The following REEP6 variants were observed in gnomAD, a reference collection of about 807,000 sequenced individuals.
REEP6 encodes the protein receptor expression-enhancing protein 6.
In REEP6, 19 loss-of-function variants were observed where a neutral mutation model predicts 22.4. The observed-to-expected ratio is 0.85, with a 90% CI of 0.59 to 1.25. The LOEUF is 1.25. Among genes scored for constraint, REEP6 ranks in the 50% most tolerant of loss-of-function variants. REEP6 has a pLI of 0.00. For synonymous variants in REEP6, 121 were observed against 113.6 expected (o/e 1.06, Z -0.41); for missense variants, 273 against 251.9 (o/e 1.08, Z -0.57).
Position 1,491,620 on chromosome 19 carries a change from G to T in REEP6, c.115+236G>T, listed in dbSNP as rs574718155. 2.0e-5 allele frequency among the ~76,000 whole-genome samples: 3 copies of T among 152,320 alleles called. No individual in the cohort carries two copies. Among genetic ancestry groups the T allele is most frequent in the African/African-American group, 7.2e-5 (3 of 41,572 alleles). ...TGGCCGCCCCCCGACGCCTCCTTCC[G>T]GGCGCTGGGTGCCTGCCATGCCGAA... On this transcript the variant is annotated intron_variant, in intron 1 of 4. Coordinates refer to ENST00000233596, the MANE Select transcript of REEP6 (RefSeq NM_138393.4). This position sits in a 1 kb window ranked among gnomAD's most constrained non-coding sequence, Gnocchi z 5.4.
At position 1,497,543 on chromosome 19, in the gene REEP6, C is replaced by T. The variant is rs529329651; in HGVS notation, c.*332C>T. ...ACACCCAGCCGCCTGGTACTTCCTC[C>T]AGCCCCTCCCAGTCAGCCCTCCCGT... is the stretch of plus-strand genomic sequence containing the variant. On this transcript the variant is annotated 3_prime_UTR_variant, in exon 5 of 5. Coordinates refer to ENST00000233596, the MANE Select transcript of REEP6 (RefSeq NM_138393.4). The surrounding 1 kb of genome is among the most constrained non-coding windows in gnomAD (Gnocchi z 6.5). 3,222 of 621,462 alleles carry T rather than the reference C, an allele frequency of 5.2e-3. 16 individuals are homozygous for T. Among genetic ancestry groups the T allele is most frequent in the Non-Finnish European group, 7.2e-3 (2,316 of 322,784 alleles). The allele number at this position is 621,462 out of a possible 1,614,324, so 38.5% of individuals were successfully genotyped here.
At position 1,494,682 on chromosome 19, in the gene REEP6, A is replaced by G. The variant is rs558922434; in HGVS notation, c.116-612A>G. Among the ~76,000 whole-genome samples, 9 of 151,820 alleles carry G rather than the reference A, an allele frequency of 5.9e-5. No individual in the cohort carries two copies. The South Asian group carries it at 1.0e-3, about 17-fold the overall frequency. On this transcript the variant is annotated intron_variant, in intron 1 of 4. Transcript: ENST00000233596. Reference sequence around the variant, plus strand: ...CCAAAGGGCCTGGAATGAGATGGCTATCGTTGCAGATTACACTTTTTTTTT... The same window carrying G: ...CCAAAGGGCCTGGAATGAGATGGCTGTCGTTGCAGATTACACTTTTTTTTT...
In REEP6 at chr19:1,497,706, A is replaced by G. The variant is rs1249969309; in HGVS notation, c.*495A>G. On this transcript the variant is annotated 3_prime_UTR_variant, in exon 5 of 5. Coordinates refer to ENST00000233596, the MANE Select transcript of REEP6 (RefSeq NM_138393.4). This position sits in a 1 kb window ranked among gnomAD's most constrained non-coding sequence, Gnocchi z 6.5. ...GCCGGAGGACGCAGCCCCCAAGACC[A>G]GCGGACAGCGCCAGAAGGAATCGTC... The G allele has an allele frequency of 2.1e-6, 1 of 472,762 alleles. No homozygotes were observed. Among genetic ancestry groups the G allele is most frequent in the African/African-American group, 2.0e-5 (1 of 50,222 alleles). 29.3% of individuals were successfully genotyped at this position (472,762 alleles called of 1,614,324 possible).
rs776721939 is a variant in REEP6 at position 1,491,188 on chromosome 19, G to C, written c.-82G>C. 1.2e-5 allele frequency: 12 copies of C among 1,013,248 alleles called. No homozygotes were observed. Among genetic ancestry groups the C allele is most frequent in the African/African-American group, 1.7e-5 (1 of 58,496 alleles). 62.8% of individuals were successfully genotyped at this position (1,013,248 alleles called of 1,614,324 possible). The stretch of plus-strand genomic sequence containing the variant: ...GCCGGAGCATCGCGGCTCAGGCTGC[G>C]GGAAAGCGGTGCGCGTGCAGCGGGG... On this transcript the variant is annotated 5_prime_UTR_variant, in exon 1 of 5. Transcript: ENST00000233596. This position sits in a 1 kb window ranked among gnomAD's most constrained non-coding sequence, Gnocchi z 5.4.
Position 1,497,330 on chromosome 19 carries a change from G to C in REEP6, c.*119G>C, listed in dbSNP as rs533315576. ...CAACAGCAGCCCCTGCCAGTCCCTC[G>C]GGTCCAGGCAAGGCCCTGGGGGTCT... On this transcript the variant is annotated 3_prime_UTR_variant, in exon 5 of 5. Coordinates refer to ENST00000233596, the MANE Select transcript of REEP6 (RefSeq NM_138393.4). The surrounding 1 kb of genome is among the most constrained non-coding windows in gnomAD (Gnocchi z 6.5). The C allele has an allele frequency of 3.1e-5, 30 of 981,626 alleles. No homozygotes were observed. Among genetic ancestry groups the C allele is most frequent in the East Asian group, 5.2e-5 (2 of 38,400 alleles). The allele number at this position is 981,626 out of a possible 1,614,324, so 60.8% of individuals were successfully genotyped here. A position where few individuals can be genotyped will look rare whatever the true frequency, so the allele number is the denominator to read the frequency against.
In REEP6 at chr19:1,491,527, C is replaced by T. The variant is rs1039827454; in HGVS notation, c.115+143C>T. 4.1e-6 allele frequency: 2 copies of T among 490,016 alleles called. No individual in the cohort carries two copies. The highest frequency in any genetic ancestry group is 4.0e-5 in the African/African-American group (2 of 49,804). The allele number at this position is 490,016 out of a possible 1,614,324, so 30.4% of individuals were successfully genotyped here. On this transcript the variant is annotated intron_variant, in intron 1 of 4. Coordinates refer to ENST00000233596, the MANE Select transcript of REEP6 (RefSeq NM_138393.4). This position sits in a 1 kb window ranked among gnomAD's most constrained non-coding sequence, Gnocchi z 5.4. ...AGGTGACTGGGACCTCGAGGTCCGCCCGCAGCCCTTCCCTTGCCCGCGCCC... is the reference window on the plus strand; with the variant it reads ...AGGTGACTGGGACCTCGAGGTCCGCTCGCAGCCCTTCCCTTGCCCGCGCCC...
intron 1 of REEP6, among the ~76,000 whole-genome samples, chr19:1,492,773 C>A (rs959431873): frequency 1.3e-5 from 2 of 152,170 alleles, no homozygotes; most frequent in African/African-American, 4.8e-5. Flanking sequence ...GGTTCCCATG[C>A]CAGGCAGCGC....
At position 1,496,545 on chromosome 19, in the gene REEP6, C is replaced by T. The variant is rs748914297; in HGVS notation, c.517+92C>T. ...TTGCCTCCCTTTCTGACTTTGGCCG[C>T]CCCCTCTCACTGTCCGCCTCTCTCT... On this transcript the variant is annotated intron_variant, in intron 4 of 4. Transcript: ENST00000233596. 15 of 1,404,318 alleles carry T rather than the reference C, an allele frequency of 1.1e-5. No individual in the cohort carries two copies. The South Asian group carries it at 1.8e-4, about 17-fold the overall frequency. The allele number at this position is 1,404,318 out of a possible 1,614,324, so 87.0% of individuals were successfully genotyped here.
Position 1,496,431 on chromosome 19 carries a change from G to C in REEP6, c.495G>C (p.Ala165=), listed in dbSNP as rs570831638. The C allele has an allele frequency of 4.3e-6, 7 of 1,612,518 alleles. No homozygotes were observed. Among genetic ancestry groups the C allele is most frequent in the Non-Finnish European group, 5.9e-6 (7 of 1,179,596 alleles). ...MNDLSGRALD[A]AAGITRNVKP... Reference sequence around the variant, plus strand: ...ACCTCAGCGGGCGAGCCCTGGACGCGGCGGCCGGAATAACCAGGAACGGTG... The same window carrying C: ...ACCTCAGCGGGCGAGCCCTGGACGCCGCGGCCGGAATAACCAGGAACGGTG... The change falls in exon 4 of 5, where the codon GCG becomes GCC. Residue 165 remains alanine, a synonymous_variant. Transcript: ENST00000233596.
At chr19:1,495,889 G>T (rs1414422912) in intron 3 of REEP6, 2 of 569,778 alleles carry the variant, frequency 3.5e-6, no homozygotes, top group East Asian at 5.9e-5. Context: ...ACCCTGAAGG[G>T]TGTCTGATGG....
rs989753923 is a variant in REEP6 at position 1,491,415 on chromosome 19, A to T, written c.115+31A>T. On this transcript the variant is annotated intron_variant, in intron 1 of 4. Coordinates refer to ENST00000233596, the MANE Select transcript of REEP6 (RefSeq NM_138393.4). This position sits in a 1 kb window ranked among gnomAD's most constrained non-coding sequence, Gnocchi z 5.4. The stretch of plus-strand genomic sequence containing the variant: ...CCGTCGGCGCTAGCCCGTTTCGCCG[A>T]CGGGCACACCGAGGCCATGGGCCTG... The T allele has an allele frequency of 7.3e-7, 1 of 1,364,228 alleles. No individual in the cohort carries two copies. The highest frequency in any genetic ancestry group is 9.6e-7 in the Non-Finnish European group (1 of 1,046,042). The allele number at this position is 1,364,228 out of a possible 1,614,324, so 84.5% of individuals were successfully genotyped here.
At chr19:1,494,330 G>C (rs576229071) in intron 1 of REEP6, among the ~76,000 whole-genome samples, 1 of 152,068 alleles carries the variant, frequency 6.6e-6, no homozygotes, top group African/African-American at 2.4e-5. Context: ...CCCCCACCCC[G>C]CCCCAGGGGA....
rs528709127 is a variant in REEP6 at position 1,497,511 on chromosome 19, C to G, written c.*300C>G. The G allele has an allele frequency of 1.5e-6, 1 of 664,892 alleles. No individual in the cohort carries two copies. Among genetic ancestry groups the G allele is most frequent in the South Asian group, 1.5e-5 (1 of 66,260 alleles). 41.2% of individuals were successfully genotyped at this position (664,892 alleles called of 1,614,324 possible). ...GGCACAGGGCAGCTCCCACTGGTCT[C>G]GGCAACACACCCAGCCGCCTGGTAC... On this transcript the variant is annotated 3_prime_UTR_variant, in exon 5 of 5. Transcript: ENST00000233596. This position sits in a 1 kb window ranked among gnomAD's most constrained non-coding sequence, Gnocchi z 6.5.
At chr19:1,495,165 C>T in intron 1 of REEP6, 129 bp from the exon 2 acceptor site, 1 of 794,010 alleles carries the variant, frequency 1.3e-6, no homozygotes. Flanking sequence ...GGGCAGTGGA[C>T]ATATCCTGGA....
At chr19:1,495,143 C>A in intron 1 of REEP6, 151 bp from the exon 2 acceptor site, 1 of 693,200 alleles carries the variant, frequency 1.4e-6, no homozygotes, top group South Asian at 1.7e-5. Context: ...GGGGGATGTA[C>A]AGGCACATCA....
chr19:1,495,507 C>G lies in REEP6; in HGVS notation c.248C>G (p.Thr83Ser), dbSNP rs745452438. Residue 83 changes from threonine to serine, a missense_variant, in exon 3 of 5, where the codon ACT becomes AGT. Physicochemically the swap from Thr to Ser is moderately conservative, Grantham distance 58. Transcript: ENST00000233596. The part of the protein sequence containing the change: ...AIESPSKDDD[T>S]VWLTYWVVYA... ...GAGAGCCCAAGCAAGGACGACGACA[C>G]TGTGTGGCTCACCTACTGGGTGGTG... 5.6e-6 allele frequency: 9 copies of G among 1,614,088 alleles called. No homozygotes were observed. The highest frequency in any genetic ancestry group is 3.3e-4 in the Middle Eastern group (2 of 6,062).
Position 1,495,517 on chromosome 19 carries a change from C to T in REEP6, c.258C>T (p.Leu86=). ...SPSKDDDTVW[L]TYWVVYALFG... The stretch of plus-strand genomic sequence containing the variant: ...GCAAGGACGACGACACTGTGTGGCT[C>T]ACCTACTGGGTGGTGTACGCCCTGT... Residue 86 remains leucine (L), a synonymous_variant, in exon 3 of 5, where the codon CTC becomes CTT. Coordinates refer to ENST00000233596, the MANE Select transcript of REEP6 (RefSeq NM_138393.4). 6.2e-7 allele frequency: 1 copy of T among 1,614,096 alleles called. No homozygotes were observed. Among genetic ancestry groups the T allele is most frequent in the Non-Finnish European group, 8.5e-7 (1 of 1,180,008 alleles).
Position 1,497,146 on chromosome 19 carries a change from C to CCCA in REEP6, c.518-27_518-26insCAC. Reference sequence around the variant, plus strand: ...GGGGAGCCCAGGCCTGCCTCACGGCCCTCCCCCACCCGCCCCTCTCTCTGC... The same window carrying CCCA: ...GGGGAGCCCAGGCCTGCCTCACGGCCCCACTCCCCCACCCGCCCCTCTCTCTGC... On this transcript the variant is annotated intron_variant, in intron 4 of 4. Transcript: ENST00000233596. The surrounding 1 kb of genome is among the most constrained non-coding windows in gnomAD (Gnocchi z 6.5). 4 of 1,322,098 alleles carry CCCA rather than the reference C, an allele frequency of 3.0e-6. No individual in the cohort carries two copies. Among genetic ancestry groups the CCCA allele is most frequent in the South Asian group, 1.6e-5 (1 of 61,958 alleles). The allele number at this position is 1,322,098 out of a possible 1,614,324, so 81.9% of individuals were successfully genotyped here.
chr19:1,496,817 GC>G, intron 4 of REEP6: 2 of 584,782 alleles, frequency 3.4e-6, no homozygotes, highest in Non-Finnish European at 6.3e-6. Flanking sequence ...GTGTGCATGG[GC>G]TCAAGTGTAT....
Sources: gnomAD v4.1 joint callset for allele counts (sites outside exome capture counted in the v4.1 genomes callset) on GRCh38, gnomAD v4.1.1 for gene constraint, Gnocchi (gnomAD v3.1) non-coding constraint, MANE v1.5 for transcripts, NCBI Gene and HGNC (gene_info 2026-07-23, HGNC 2026-07-21) for gene names.